The following MAN1A2 variants were observed in gnomAD, a reference collection of about 807,000 sequenced individuals.
The protein encoded by MAN1A2 is mannosyl-oligosaccharide 1,2-alpha-mannosidase IB.
MAN1A2 carries 26 observed loss-of-function variants against 75.7 expected under a neutral mutation model. The observed-to-expected ratio is 0.34, with a 90% CI of 0.25 to 0.48. MAN1A2 has a LOEUF of 0.48. MAN1A2 is among the 20% of genes least tolerant of loss of function. The pLI is 0.99. For synonymous variants in MAN1A2, 247 were observed against 264.6 expected, an observed-to-expected ratio of 0.93 and a Z score of 0.65; for missense variants, 562 against 775.5, an observed-to-expected ratio of 0.72 and a Z score of 3.27.
At chr1:117,510,359 G>A (rs1318183361) in intron 12 of MAN1A2, among the ~76,000 whole-genome samples, 1 of 151,992 alleles carries the variant, frequency 6.6e-6, no homozygotes, top group African/African-American at 2.4e-5. Flanking sequence ...AAAATCAGAT[G>A]GGTATTCTGA....
At chr1:117,445,109 C>T (rs1649171173) in intron 6 of MAN1A2, among the ~76,000 whole-genome samples, 1 of 151,870 alleles carries the variant, frequency 6.6e-6, no homozygotes, top group African/African-American at 2.4e-5. Context: ...ACTTTTTTTC[C>T]ATCTATGGAG....
rs1259697510 is a variant in MAN1A2, at chr1:117,499,423, G to A, written c.1546G>A (p.Val516Met). Reference sequence around the variant, plus strand: ...TGAATCATTCAAGTTTGATGGTGCAGTGGAGGCTGTGGCTGTCCGGCAGGC... The same window carrying A: ...TGAATCATTCAAGTTTGATGGTGCAATGGAGGCTGTGGCTGTCCGGCAGGC... Reference protein sequence around the residue: ...GPESFKFDGAVEAVAVRQAEK... With the variant: ...GPESFKFDGAMEAVAVRQAEK... Residue 516 changes from valine to methionine, a missense_variant, in exon 11 of 13, where the codon GTG (valine) becomes ATG (methionine). Around this residue, in one of 2 missense-constraint regions of MAN1A2, gnomAD observed 434 missense variants for 645.7 expected, o/e 0.67. Coordinates refer to ENST00000356554, the MANE Select transcript of MAN1A2 (RefSeq NM_006699.5). 6.2e-7 allele frequency: 1 copy of A among 1,603,888 alleles called. No individual in the cohort carries two copies. The highest frequency in any genetic ancestry group is 1.1e-5 in the South Asian group (1 of 89,660).
chr1:117,428,134 G>T (rs1648441205), intron 5 of MAN1A2, among the ~76,000 whole-genome samples: 1 of 150,710 alleles, frequency 6.6e-6, no homozygotes. Flanking sequence ...TTTGGGGGGG[G>T]ACCGAGTCTC....
At chr1:117,404,193 G>T (rs1409713749) in intron 2 of MAN1A2, among the ~76,000 whole-genome samples, 2 of 152,142 alleles carry the variant, frequency 1.3e-5, no homozygotes, top group Non-Finnish European at 2.9e-5. Flanking sequence ...GTGTTCTTGA[G>T]ATACATTGGT....
intron 5 of MAN1A2, among the ~76,000 whole-genome samples, chr1:117,423,252 C>T (rs1206945610): frequency 6.6e-6 from 1 of 152,084 alleles, no homozygotes; most frequent in Non-Finnish European, 1.5e-5. Context: ...ATGTGTCTGT[C>T]TTTGGTACTA....
intron 2 of MAN1A2, among the ~76,000 whole-genome samples, chr1:117,404,111 T>A (rs1647536855): frequency 6.6e-6 from 1 of 152,204 alleles, no homozygotes; most frequent in African/African-American, 2.4e-5. Context: ...TATTCCTGGG[T>A]TAAACTCCAC....
At chr1:117,414,879 C>A in intron 4 of MAN1A2, 48 bp downstream of exon 4, 1 of 1,136,490 alleles carries the variant, frequency 8.8e-7, no homozygotes, top group Non-Finnish European at 1.3e-6. Context: ...CATGAAAAGA[C>A]ACAATGTCTA....
At chr1:117,438,624 C>A (rs1648926697) in intron 5 of MAN1A2, among the ~76,000 whole-genome samples, 1 of 152,216 alleles carries the variant, frequency 6.6e-6, no homozygotes, top group Non-Finnish European at 1.5e-5. Flanking sequence ...GTGCCCTGTA[C>A]AGATATACCA....
At chr1:117,371,726 T>G (rs1353837927) in intron 1 of MAN1A2, among the ~76,000 whole-genome samples, 2 of 152,196 alleles carry the variant, frequency 1.3e-5, no homozygotes, top group East Asian at 3.8e-4. Flanking sequence ...TTGGCCTGCT[T>G]ACAAGTTTTT....
intron 4 of MAN1A2, among the ~76,000 whole-genome samples, chr1:117,415,664 A>T (rs370357854): frequency 5.3e-5 from 8 of 151,482 alleles, no homozygotes; most frequent in Admixed American, 4.6e-4. Context: ...ATAGATATTT[A>T]TTTTTTTTTC....
intron 1 of MAN1A2, among the ~76,000 whole-genome samples, chr1:117,368,786 G>A (rs1176787085): frequency 6.6e-6 from 1 of 152,028 alleles, no homozygotes; most frequent in Non-Finnish European, 1.5e-5. Flanking sequence ...TGGGAAGGGA[G>A]GTATGAAAAC....
rs771490528 is a variant in MAN1A2, at chr1:117,466,323, A to G, written c.1075-11A>G. 2 of 1,546,234 alleles carry G rather than the reference A, an allele frequency of 1.3e-6. No individual in the cohort carries two copies. The highest frequency in any genetic ancestry group is 1.8e-5 in the Admixed American group (1 of 54,676). ...TTTTATTAATTGCATTCTTAATTTT[A>G]TTTTACTCAGGTTATGCACATTCGG... On this transcript the variant is annotated splice_polypyrimidine_tract_variant and intron_variant, in intron 7 of 12. Transcript: ENST00000356554.
intron 1 of MAN1A2, among the ~76,000 whole-genome samples, chr1:117,376,315 A>T (rs1570692549): frequency 1.2e-4 from 1 of 8,406 alleles, no homozygotes; most frequent in African/African-American, 1.0e-3. Flanking sequence ...AGCATGACTC[A>T]AGTGAGTTTG....
Position 117,499,333 on chromosome 1 carries a change from A to G in MAN1A2, c.1505-49A>G, listed in dbSNP as rs771331986. Reference sequence around the variant, plus strand: ...AGGGAAGAAAGAAGTCCTTGCAAACAAACATAAATGGTTTATTTTGCTCAG... The same window carrying G: ...AGGGAAGAAAGAAGTCCTTGCAAACGAACATAAATGGTTTATTTTGCTCAG... On this transcript the variant is annotated intron_variant, in intron 10 of 12. Coordinates refer to ENST00000356554, the MANE Select transcript of MAN1A2 (RefSeq NM_006699.5). 3.0e-6 allele frequency: 4 copies of G among 1,340,804 alleles called. No homozygotes were observed. In the East Asian group the frequency reaches 1.1e-4, roughly 36 times the overall value. The allele number at this position is 1,340,804 out of a possible 1,614,324, so 83.1% of individuals were successfully genotyped here.
chr1:117,501,604 GAC>G (rs1313726452), intron 11 of MAN1A2, among the ~76,000 whole-genome samples: 2 of 151,776 alleles, frequency 1.3e-5, no homozygotes, highest in Non-Finnish European at 2.9e-5. Flanking sequence ...TGGTGGTGAA[GAC>G]ACATGATTAT....
At chr1:117,400,944 C>T (rs145542517) in intron 1 of MAN1A2, among the ~76,000 whole-genome samples, 1 of 152,202 alleles carries the variant, frequency 6.6e-6, no homozygotes. Context: ...ACAACCATCA[C>T]CATCATCCAT....
At chr1:117,426,823 A>G (rs571897823) in intron 5 of MAN1A2, among the ~76,000 whole-genome samples, 3 of 152,328 alleles carry the variant, frequency 2.0e-5, no homozygotes. Context: ...TCAATACTTT[A>G]AAAATGTCAC....
intron 5 of MAN1A2, among the ~76,000 whole-genome samples, chr1:117,429,305 G>A (rs61805780): frequency 5.3e-3 from 633 of 119,434 alleles, no homozygotes; most frequent in Non-Finnish European, 7.6e-3. Context: ...CCCGTTCTCA[G>A]TGAGCTGTTG....
intron 5 of MAN1A2, among the ~76,000 whole-genome samples, chr1:117,428,738 T>A (rs1378077777): frequency 1.3e-5 from 2 of 150,980 alleles, no homozygotes; most frequent in Non-Finnish European, 1.5e-5. Context: ...AATATCAGAG[T>A]ATACTTCAAG....
Sources: allele counts gnomAD v4.1 joint callset (sites outside exome capture counted in the v4.1 genomes callset), GRCh38; gene constraint gnomAD v4.1.1; regional missense constraint gnomAD v4.1.1; transcripts MANE v1.5; gene names NCBI Gene and HGNC (gene_info 2026-07-23, HGNC 2026-07-21).